VNN2: variants seen among roughly 807,000 people sequenced by gnomAD.
VNN2 encodes vanin 2, also known as pantetheine hydrolase VNN2.
VNN2 carries 43 observed loss-of-function variants against 43.0 expected under a neutral mutation model. The ratio of observed to expected loss-of-function variants is 1.00; its 90% CI spans 0.78 to 1.29. The LOEUF (loss-of-function observed/expected upper bound fraction) is 1.29. Among genes scored for constraint, VNN2 ranks in the 50% most tolerant of loss-of-function variants. The pLI is 0.00. For synonymous variants in VNN2, 230 were observed against 224.3 expected (o/e 1.03, Z -0.23); for missense variants, 652 against 619.7 (o/e 1.05, Z -0.55).
intron 6 of VNN2, among the ~76,000 whole-genome samples, chr6:132,746,118 T>C (rs1045324235): frequency 6.2e-4 from 95 of 152,336 alleles, no homozygotes; most frequent in African/African-American, 2.2e-3. Flanking sequence ...TTAAGTGACT[T>C]TCCCAAGGTT....
At chr6:132,755,802 C>T (rs750233052) in intron 3 of VNN2, 41 bp downstream of exon 3, 3 of 1,562,758 alleles carry the variant, frequency 1.9e-6, no homozygotes, top group Non-Finnish European at 2.6e-6. Context: ...ATTGACCACT[C>T]ACAACACGCT....
chr6:132,744,919 G>GAAAA lies in VNN2; in HGVS notation c.1372-432_1372-429dup, dbSNP rs143447195. 8.5e-3 allele frequency among the ~76,000 whole-genome samples: 1,269 copies of GAAAA among 149,060 alleles called. 15 individuals carry two copies. Among genetic ancestry groups the GAAAA allele is most frequent in the African/African-American group, 0.029 (1,176 of 40,656 alleles). ...AACAGGTAAGTGCTAGGAGGTCTGA[G>GAAAA]AAAAAAAAAACTGAACTGGTCTGTT... On this transcript the variant is annotated intron_variant, in intron 6 of 6. Transcript: ENST00000326499.
At chr6:132,762,001 T>C (rs1037676943), upstream of VNN2, among the ~76,000 whole-genome samples, 1 of 152,218 alleles carries the variant, frequency 6.6e-6, no homozygotes, top group Non-Finnish European at 1.5e-5. Flanking sequence ...TCCTGACTGC[T>C]TAATATTATT....
At chr6:132,744,767 A>G (rs937199172) in intron 6 of VNN2, among the ~76,000 whole-genome samples, 5 of 152,236 alleles carry the variant, frequency 3.3e-5, no homozygotes, top group Admixed American at 3.3e-4. Context: ...GATTATGTGC[A>G]AGACAATCAG....
At chr6:132,746,802 T>C (rs1409289772) in intron 6 of VNN2, among the ~76,000 whole-genome samples, 2 of 152,190 alleles carry the variant, frequency 1.3e-5, no homozygotes, top group Non-Finnish European at 2.9e-5. Context: ...GGGAACCTAT[T>C]TTTTAAAATA....
At position 132,750,795 on chromosome 6, in the gene VNN2, G is replaced by C. The variant is rs181268716; in HGVS notation, c.1200+350C>G. ...TAGTTTTGCAAGTGAAAATAAGACTGTTTATAATTTAGATATGTTGGCAAA... is the reference window on the plus strand; with the variant it reads ...TAGTTTTGCAAGTGAAAATAAGACTCTTTATAATTTAGATATGTTGGCAAA... On this transcript the variant is annotated intron_variant, in intron 5 of 6. Coordinates refer to ENST00000326499, the MANE Select transcript of VNN2 (RefSeq NM_004665.6). 2.6e-5 allele frequency among the ~76,000 whole-genome samples: 4 copies of C among 152,202 alleles called. No individual in the cohort carries two copies. The East Asian group carries it at 7.7e-4, about 29-fold the overall frequency.
rs370474500 is a variant in VNN2 at position 132,753,213 on chromosome 6, G to A, written c.538-464C>T. ...CTAATTTTTTCGTATTTTTAGTAGA[G>A]TCGGGGTTTCACCGTGTCAGCCAGG... On this transcript the variant is annotated intron_variant, in intron 3 of 6. Transcript: ENST00000326499. 1.7e-4 allele frequency: 37 copies of A among 218,438 alleles called. 1 individual carries two copies. The South Asian group carries it at 2.0e-3, about 12-fold the overall frequency. The allele number at this position is 218,438 out of a possible 1,614,324, so 13.5% of individuals were successfully genotyped here.
chr6:132,747,817 C>T (rs1779808805), intron 6 of VNN2, among the ~76,000 whole-genome samples: 1 of 152,174 alleles, frequency 6.6e-6, no homozygotes, highest in African/African-American at 2.4e-5. Context: ...TTCTCCAACT[C>T]TTCATGCACT....
intron 3 of VNN2, among the ~76,000 whole-genome samples, chr6:132,754,683 T>C (rs1466266945): frequency 2.6e-5 from 4 of 152,200 alleles, no homozygotes; most frequent in African/African-American, 7.2e-5. Context: ...AAATTATGAC[T>C]TAAAGGTTAT....
At chr6:132,752,930 T>C in intron 3 of VNN2, 181 bp from the exon 4 acceptor site, 1 of 623,084 alleles carries the variant, frequency 1.6e-6, no homozygotes, top group East Asian at 2.8e-5. Context: ...ATATGTAACA[T>C]ACGTCCATAG....
At chr6:132,746,975 C>T (rs973891479) in intron 6 of VNN2, among the ~76,000 whole-genome samples, 10 of 152,112 alleles carry the variant, frequency 6.6e-5, no homozygotes, top group African/African-American at 2.4e-4. Flanking sequence ...ACTACAATTC[C>T]AAAGACCCTC....
chr6:132,745,496 G>A (rs562718033), intron 6 of VNN2, among the ~76,000 whole-genome samples: 3 of 152,140 alleles, frequency 2.0e-5, no homozygotes, highest in Non-Finnish European at 2.9e-5. Context: ...GATTACAGGC[G>A]TGAGCTATCA....
At chr6:132,750,594 G>T (rs1346578226) in intron 5 of VNN2, among the ~76,000 whole-genome samples, 1 of 146,776 alleles carries the variant, frequency 6.8e-6, no homozygotes, top group African/African-American at 2.5e-5. Context: ...AACCTGGGAG[G>T]CAGAGGTTGT....
At chr6:132,762,180 G>A (rs1440058874), upstream of VNN2, among the ~76,000 whole-genome samples, 1 of 152,180 alleles carries the variant, frequency 6.6e-6, no homozygotes, top group Non-Finnish European at 1.5e-5. Flanking sequence ...GGGTAGCAAA[G>A]GTGAAACAAG....
At chr6:132,758,045 T>TC (rs1484257845), upstream of VNN2, 40 of 343,512 alleles carry the variant, frequency 1.2e-4, no homozygotes, top group African/African-American at 9.6e-4. Flanking sequence ...TCTTCTTTTT[T>TC]TTTTTTTTTT....
At chr6:132,761,899 C>A (rs1318751713), upstream of VNN2, among the ~76,000 whole-genome samples, 2 of 152,176 alleles carry the variant, frequency 1.3e-5, no homozygotes, top group Non-Finnish European at 2.9e-5. Flanking sequence ...CATACCTGCT[C>A]TATCTCCTAA....
At chr6:132,758,039 CTTTTTTTTTTTTTTTTTTTT>C, upstream of VNN2, 1 of 161,520 alleles carries the variant, frequency 6.2e-6, no homozygotes, top group Non-Finnish European at 1.0e-5. Context: ...TCTTCTTCTT[CTTTTTTTTTTTTTTTTTTTT>C]TTTTGAGGCG....
chr6:132,750,952 A>G (rs553094798), intron 5 of VNN2, among the ~76,000 whole-genome samples, 193 bp downstream of exon 5: 98 of 152,242 alleles, frequency 6.4e-4, no homozygotes, highest in African/African-American at 2.3e-3. Flanking sequence ...CTTAATTCCC[A>G]TTGTAAATAT....
intron 3 of VNN2, chr6:132,753,580 T>A (rs1023442555): frequency 7.3e-6 from 3 of 409,368 alleles, no homozygotes; most frequent in Non-Finnish European, 1.4e-5. Context: ...ATAAATGGAA[T>A]CAACAGTTAA....
Sources: gnomAD v4.1 joint callset for allele counts (sites outside exome capture counted in the v4.1 genomes callset) on GRCh38, gnomAD v4.1.1 for gene constraint, MANE v1.5 for transcripts, NCBI Gene and HGNC (gene_info 2026-07-23, HGNC 2026-07-21) for gene names.